PTCHD4: variants seen among roughly 807,000 people sequenced by gnomAD.
PTCHD4 encodes the protein patched domain-containing protein 4.
In PTCHD4, 33 loss-of-function variants were observed where a neutral mutation model predicts 58.1. That is an observed-to-expected ratio of 0.57 (90% CI 0.43 to 0.76). PTCHD4 has a LOEUF of 0.76. Among genes scored for constraint, PTCHD4 ranks in the 30% least tolerant of loss-of-function variants. PTCHD4 has a pLI of 0.00. For missense variants in PTCHD4, 1,058 were observed against 1,027.1 expected (o/e 1.03, Z -0.41); for synonymous variants, 478 against 409.6 (o/e 1.17, Z -2.02).
intron 4 of PTCHD4, among the ~76,000 whole-genome samples, chr6:47,915,151 A>AC (rs1765204767): frequency 3.9e-5 from 6 of 152,300 alleles, no homozygotes; most frequent in African/African-American, 1.4e-4. Flanking sequence ...TCTCTGCTTT[A>AC]AAAAGTAAAG....
chr6:48,098,060 A>T (rs1765511179), intron 1 of PTCHD4, among the ~76,000 whole-genome samples: 1 of 152,092 alleles, frequency 6.6e-6, no homozygotes, highest in South Asian at 2.1e-4. Context: ...AAGGGCCCAT[A>T]TCCCTTTTTA....
intron 3 of PTCHD4, among the ~76,000 whole-genome samples, chr6:48,063,355 A>C (rs927190670): frequency 6.6e-6 from 1 of 152,206 alleles, no homozygotes; most frequent in Non-Finnish European, 1.5e-5. Flanking sequence ...ACTCTGAGCA[A>C]GTAAGGGAAA....
intron 1 of PTCHD4, among the ~76,000 whole-genome samples, chr6:48,091,740 G>A (rs1765369743): frequency 6.6e-6 from 1 of 151,566 alleles, no homozygotes; most frequent in Non-Finnish European, 1.5e-5. Flanking sequence ...TCCACTCCTG[G>A]GTTCAAGTGA....
rs140224284 is a variant in PTCHD4, at chr6:48,098,630, C to A, written c.-970+12419G>T. 2.8e-3 allele frequency among the ~76,000 whole-genome samples: 425 copies of A among 152,306 alleles called. 2 individuals are homozygous for A. The highest frequency in any genetic ancestry group is 9.9e-3 in the African/African-American group (413 of 41,562). On this transcript the variant is annotated intron_variant, in intron 1 of 4. Coordinates refer to ENST00000339488, the MANE Select transcript of PTCHD4 (RefSeq NM_001384253.1). ...CTGGGATTACAGGCGTGGGCCACTG[C>A]ACCTGCCTGGAGTTTCATGATTATG...
chr6:48,082,909 C>A (rs1765195051), intron 1 of PTCHD4, among the ~76,000 whole-genome samples: 1 of 151,740 alleles, frequency 6.6e-6, no homozygotes, highest in Non-Finnish European at 1.5e-5. Flanking sequence ...ATTTAACCAT[C>A]TTATTGGTAC....
chr6:48,098,928 C>T (rs1246645841), intron 1 of PTCHD4, among the ~76,000 whole-genome samples: 2 of 152,046 alleles, frequency 1.3e-5, no homozygotes, highest in Admixed American at 1.3e-4. Context: ...CCATACACAG[C>T]ATATTGTATC....
chr6:47,899,460 G>T, intron 4 of PTCHD4: 1 of 319,060 alleles, frequency 3.1e-6, no homozygotes, highest in Non-Finnish European at 4.5e-6. Context: ...ATGTTGTATA[G>T]CTGTTGAAGA....
intron 4 of PTCHD4, among the ~76,000 whole-genome samples, chr6:47,954,929 A>G (rs1766795777): frequency 6.6e-6 from 1 of 152,138 alleles, no homozygotes; most frequent in Non-Finnish European, 1.5e-5. Flanking sequence ...ACCAGCCACC[A>G]TGTTGTGAGG....
chr6:47,912,781 AG>A (rs1309213666), intron 4 of PTCHD4, among the ~76,000 whole-genome samples: 7 of 152,130 alleles, frequency 4.6e-5, no homozygotes, highest in Admixed American at 3.9e-4. Context: ...ATTATCTGCA[AG>A]GCTTTGTTCC....
At chr6:47,911,924 G>A (rs1170136399) in intron 4 of PTCHD4, among the ~76,000 whole-genome samples, 1 of 152,114 alleles carries the variant, frequency 6.6e-6, no homozygotes, top group African/African-American at 2.4e-5. Context: ...TTAGAAGGTG[G>A]ATAGTGGAGG....
intron 3 of PTCHD4, among the ~76,000 whole-genome samples, chr6:48,064,417 G>A (rs145884647): frequency 5.7e-4 from 87 of 152,160 alleles, no homozygotes; most frequent in Non-Finnish European, 7.2e-4. Flanking sequence ...CAGAAAAGTC[G>A]TTGCTTAAAG....
intron 4 of PTCHD4, among the ~76,000 whole-genome samples, chr6:47,914,680 ATC>A (rs1765175910): frequency 1.0e-5 from 1 of 98,496 alleles, no homozygotes; most frequent in South Asian, 3.7e-4. Context: ...AATAGAACCT[ATC>A]TATCTATCTA....
rs963933616 is a variant in PTCHD4 at position 47,859,377 on chromosome 6, G to A, written c.*18926C>T. On this transcript the variant is annotated 3_prime_UTR_variant, in exon 5 of 5. Transcript: ENST00000339488. Reference sequence around the variant, plus strand: ...AAATATTTAAGGGAGTGCAGGGGTAGATGTTAATATTACCTAGCAAAGAAT... The same window carrying A: ...AAATATTTAAGGGAGTGCAGGGGTAAATGTTAATATTACCTAGCAAAGAAT... 1.3e-5 allele frequency among the ~76,000 whole-genome samples: 2 copies of A among 152,008 alleles called. No individual in the cohort carries two copies. Among genetic ancestry groups the A allele is most frequent in the African/African-American group, 2.4e-5 (1 of 41,426 alleles).
chr6:48,018,205 T>G (rs1762930798), intron 3 of PTCHD4, among the ~76,000 whole-genome samples: 1 of 152,208 alleles, frequency 6.6e-6, no homozygotes, highest in African/African-American at 2.4e-5. Flanking sequence ...TGGTTTCAAG[T>G]TCCATTTCTG....
chr6:47,902,710 A>T (rs1447968804), intron 4 of PTCHD4, among the ~76,000 whole-genome samples: 1 of 152,246 alleles, frequency 6.6e-6, no homozygotes, highest in East Asian at 1.9e-4. Flanking sequence ...TCACGTTCTA[A>T]TCTTTCTTTT....
At chr6:47,997,803 G>GT (rs1768558765) in intron 4 of PTCHD4, among the ~76,000 whole-genome samples, 1 of 152,156 alleles carries the variant, frequency 6.6e-6, no homozygotes, top group African/African-American at 2.4e-5. Flanking sequence ...GTCCACAGGG[G>GT]TTCCTCAATT....
At position 47,934,421 on chromosome 6, in the gene PTCHD4, T is replaced by A. The variant is rs537367074; in HGVS notation, c.899-54485A>T. Among the ~76,000 whole-genome samples the A allele has an allele frequency of 2.2e-4, 34 of 152,004 alleles. 1 individual carries two copies. In the South Asian group the frequency reaches 6.4e-3, roughly 29 times the overall value. On this transcript the variant is annotated intron_variant, in intron 4 of 4. Coordinates refer to ENST00000339488, the MANE Select transcript of PTCHD4 (RefSeq NM_001384253.1). ...GAAAAAGTCCTGCAGCACAATTATG[T>A]ATGGAAATTTTCTAGATATTAAGCC... is the stretch of plus-strand genomic sequence containing the variant.
chr6:47,956,884 T>C (rs992988721), intron 4 of PTCHD4, among the ~76,000 whole-genome samples: 3 of 152,116 alleles, frequency 2.0e-5, no homozygotes, highest in Non-Finnish European at 2.9e-5. Context: ...TTGCCTTTCG[T>C]TGGGCGTGGT....
chr6:47,902,827 T>C (rs1764754978), intron 4 of PTCHD4, among the ~76,000 whole-genome samples: 1 of 152,226 alleles, frequency 6.6e-6, no homozygotes, highest in South Asian at 2.1e-4. Context: ...TGTTTTTCTT[T>C]GTTACAAAGT....
Sources: allele counts gnomAD v4.1 joint callset (sites outside exome capture counted in the v4.1 genomes callset), GRCh38; gene constraint gnomAD v4.1.1; transcripts MANE v1.5; gene names NCBI Gene and HGNC (gene_info 2026-07-23, HGNC 2026-07-21).